The following GHR variants were observed in gnomAD, a reference collection of about 807,000 sequenced individuals.
GHR encodes growth hormone receptor.
Under a neutral mutation model 67.1 loss-of-function variants are expected in GHR, and 35 were observed. That is an observed-to-expected ratio of 0.52 (90% confidence interval 0.40 to 0.69). The LOEUF is 0.69. GHR is among the 30% of genes least tolerant of loss of function. GHR has a pLI of 0.00. For synonymous variants in GHR, 272 were observed against 269.1 expected, an observed-to-expected ratio of 1.01 and a Z score of -0.10; for missense variants, 792 against 764.6, an observed-to-expected ratio of 1.04 and a Z score of -0.42.
intron 1 of GHR, among the ~76,000 whole-genome samples, chr5:42,493,371 T>C (rs1467381754): frequency 6.6e-6 from 1 of 152,232 alleles, no homozygotes; most frequent in African/African-American, 2.4e-5. Flanking sequence ...TTTAAAATAC[T>C]GCCTAAGTAT....
chr5:42,494,575 C>G (rs1408054187), intron 1 of GHR, among the ~76,000 whole-genome samples: 1 of 152,072 alleles, frequency 6.6e-6, no homozygotes, highest in Non-Finnish European at 1.5e-5. Context: ...AGCATTCGCT[C>G]AGCACTCTTG....
At chr5:42,427,097 C>T (rs150082298) in intron 1 of GHR, among the ~76,000 whole-genome samples, 85 of 152,302 alleles carry the variant, frequency 5.6e-4, no homozygotes, top group Non-Finnish European at 9.4e-4. Context: ...TCCTCCTTGC[C>T]GAATCCCCTT....
At chr5:42,657,611 A>G (rs1443191599) in intron 3 of GHR, among the ~76,000 whole-genome samples, 1 of 152,174 alleles carries the variant, frequency 6.6e-6, no homozygotes, top group African/African-American at 2.4e-5. Context: ...CTTCACTCAT[A>G]ATGGGAATTT....
intron 6 of GHR, 22 bp downstream of exon 6, chr5:42,700,024 C>T (rs764457064): frequency 6.8e-7 from 1 of 1,473,612 alleles, no homozygotes. Flanking sequence ...CTACACCTTA[C>T]ACTTTGACTT....
chr5:42,467,723 G>T, intron 1 of GHR: 2 of 1,567,500 alleles, frequency 1.3e-6, no homozygotes, highest in South Asian at 2.2e-5. Context: ...CATTCAAAAG[G>T]TTTCTCCCCG....
At position 42,575,034 on chromosome 5, in the gene GHR, T is replaced by C. The variant is rs557844267; in HGVS notation, c.70+9090T>C. Among the ~76,000 whole-genome samples, 5 of 135,826 alleles carry C rather than the reference T, an allele frequency of 3.7e-5. No homozygotes were observed. The East Asian group carries it at 9.8e-4, about 27-fold the overall frequency. The allele number at this position is 135,826 out of a possible 152,430, so 89.1% of individuals were successfully genotyped here. On this transcript the variant is annotated intron_variant, in intron 2 of 9. Transcript: ENST00000230882. ...TTACTATGATCTGCCTAAGGGTGCA[T>C]CAAATTCCTCTGGTACTTATCCTAT...
chr5:42,640,837 C>A (rs1338152680), intron 3 of GHR, among the ~76,000 whole-genome samples: 1 of 151,850 alleles, frequency 6.6e-6, no homozygotes, highest in Non-Finnish European at 1.5e-5. Flanking sequence ...AATTTTGCGT[C>A]CTGAAAGACC....
chr5:42,696,466 T>C (rs1041976741), intron 5 of GHR, among the ~76,000 whole-genome samples: 1 of 152,182 alleles, frequency 6.6e-6, no homozygotes, highest in Non-Finnish European at 1.5e-5. Context: ...TTTAAAAAAG[T>C]GATGACCCAC....
chr5:42,493,502 C>A (rs1746200118), intron 1 of GHR, among the ~76,000 whole-genome samples: 1 of 151,948 alleles, frequency 6.6e-6, no homozygotes. Flanking sequence ...ATATGACTTT[C>A]TAAGAGGTCT....
intron 2 of GHR, among the ~76,000 whole-genome samples, chr5:42,597,099 A>AG (rs1255852293): frequency 1.3e-5 from 2 of 152,128 alleles, no homozygotes; most frequent in African/African-American, 2.4e-5. Flanking sequence ...GGTGGGTGGA[A>AG]GGGGGGCTCT....
intron 3 of GHR, among the ~76,000 whole-genome samples, chr5:42,662,492 G>C (rs375311519): frequency 8.5e-5 from 13 of 152,142 alleles, no homozygotes; most frequent in African/African-American, 1.9e-4. Context: ...GAACAACCTG[G>C]TCCTGAATGA....
chr5:42,537,538 A>T lies in GHR; in HGVS notation c.-11-28326A>T, dbSNP rs571634611. ...TGAGAGAGTACTTGATATAATTTCA[A>T]TTTTCTTAAATTTATTGAGGCTTAT... On this transcript the variant is annotated intron_variant, in intron 1 of 9. Transcript: ENST00000230882. Among the ~76,000 whole-genome samples the T allele has an allele frequency of 4.6e-5, 7 of 151,968 alleles. No homozygotes were observed. The South Asian group carries it at 1.0e-3, about 23-fold the overall frequency.
intron 6 of GHR, among the ~76,000 whole-genome samples, chr5:42,704,593 T>C (rs1468557464): frequency 6.6e-6 from 1 of 152,090 alleles, no homozygotes; most frequent in Admixed American, 6.6e-5. Flanking sequence ...TATCCCCTTT[T>C]CTTCCACTTT....
intron 2 of GHR, among the ~76,000 whole-genome samples, chr5:42,608,957 A>G (rs1362241943): frequency 1.3e-5 from 2 of 152,108 alleles, no homozygotes; most frequent in Non-Finnish European, 2.9e-5. Context: ...AATCAATATT[A>G]TATAATTTAA....
intron 2 of GHR, among the ~76,000 whole-genome samples, chr5:42,608,124 T>C (rs1167202544): frequency 6.6e-6 from 1 of 152,224 alleles, no homozygotes; most frequent in Non-Finnish European, 1.5e-5. Context: ...TTTTCTCATC[T>C]AGGAATGAAA....
At chr5:42,617,053 G>A (rs1026858755) in intron 2 of GHR, among the ~76,000 whole-genome samples, 1 of 151,910 alleles carries the variant, frequency 6.6e-6, no homozygotes, top group Non-Finnish European at 1.5e-5. Context: ...GAATGGAAAG[G>A]AAATTCCTGG....
chr5:42,599,356 CAT>C (rs1752244262), intron 2 of GHR, among the ~76,000 whole-genome samples: 1 of 125,716 alleles, frequency 8.0e-6, no homozygotes, highest in African/African-American at 3.4e-5. Context: ...GCCTACAGCA[CAT>C]TTTTTTTTTT....
chr5:42,500,863 G>T (rs1239210351), intron 1 of GHR, among the ~76,000 whole-genome samples: 2 of 152,186 alleles, frequency 1.3e-5, no homozygotes, highest in Admixed American at 6.5e-5. Context: ...ATTAAGAAAT[G>T]ATTAAATTAA....
chr5:42,460,526 G>C (rs542428220), intron 1 of GHR, among the ~76,000 whole-genome samples: 1 of 152,304 alleles, frequency 6.6e-6, no homozygotes, highest in South Asian at 2.1e-4. Flanking sequence ...TTTCCAGGAA[G>C]TTTGGAATGG....
Sources: allele counts gnomAD v4.1 joint callset (sites outside exome capture counted in the v4.1 genomes callset), GRCh38; gene constraint gnomAD v4.1.1; transcripts MANE v1.5; gene names NCBI Gene and HGNC (gene_info 2026-07-23, HGNC 2026-07-21).